PITPNA: variants seen among roughly 807,000 people sequenced by gnomAD.
The protein encoded by PITPNA is phosphatidylinositol transfer protein alpha isoform.
Under a neutral mutation model 50.3 loss-of-function variants are expected in PITPNA, and 13 were observed. The observed-to-expected ratio is 0.26, with a 90% CI of 0.17 to 0.41. The LOEUF is 0.41. Ranked by LOEUF, PITPNA falls within the 10% of genes least tolerant of loss-of-function variation. PITPNA has a pLI of 1.00. For synonymous variants in PITPNA, 120 were observed against 119.6 expected (o/e 1.00, Z -0.02); for missense variants, 207 against 333.4 (o/e 0.62, Z 2.95).
At chr17:1,544,383 C>T (rs1348006369) in intron 4 of PITPNA, among the ~76,000 whole-genome samples, 1 of 152,138 alleles carries the variant, frequency 6.6e-6, no homozygotes, top group Non-Finnish European at 1.5e-5. Flanking sequence ...TGTGAGACCC[C>T]GAGAGACAGA....
intron 10 of PITPNA, among the ~76,000 whole-genome samples, chr17:1,533,087 T>C (rs1461639212): frequency 1.3e-5 from 2 of 152,228 alleles, no homozygotes; most frequent in Non-Finnish European, 2.9e-5. Flanking sequence ...CTGAGTGGGC[T>C]GTTGCAAAGC....
At chr17:1,520,740 G>A (rs1053164634) in intron 11 of PITPNA, among the ~76,000 whole-genome samples, 2 of 152,192 alleles carry the variant, frequency 1.3e-5, no homozygotes, top group East Asian at 3.8e-4. Context: ...CAGCCTCCCC[G>A]AGGCTGCTTT....
At chr17:1,561,217 A>G (rs1433585393) in intron 1 of PITPNA, 1 of 152,316 alleles carries the variant, frequency 6.6e-6, no homozygotes, top group African/African-American at 2.4e-5. Context: ...CTGAGCTTCA[A>G]CGATGGCTCA....
At chr17:1,561,153 A>G (rs1418585415) in intron 1 of PITPNA, 1 of 151,406 alleles carries the variant, frequency 6.6e-6, no homozygotes, top group Non-Finnish European at 1.5e-5. Flanking sequence ...ACACACACCC[A>G]TCCTATCTCT....
At chr17:1,527,152 C>T (rs776717196) in intron 10 of PITPNA, among the ~76,000 whole-genome samples, 1 of 152,122 alleles carries the variant, frequency 6.6e-6, no homozygotes, top group African/African-American at 2.4e-5. Context: ...TGTGGTGTTC[C>T]TCAGATTTAG....
chr17:1,531,207 A>G (rs913166822), intron 10 of PITPNA, among the ~76,000 whole-genome samples: 2 of 152,150 alleles, frequency 1.3e-5, no homozygotes, highest in Non-Finnish European at 1.5e-5. Flanking sequence ...ACCCTTCCTC[A>G]GTGTGGCCTC....
In PITPNA at chr17:1,519,291, TACAG is replaced by T. The variant is rs2075494176; in HGVS notation, c.*1266_*1269del. ...AGGTTTGGGGAATGTCAGGTGACAC[TACAG>T]CTCTCTCTCATTCTCCCACTAAGAG... On this transcript the variant is annotated 3_prime_UTR_variant, in exon 12 of 12. Coordinates refer to ENST00000313486, the MANE Select transcript of PITPNA (RefSeq NM_006224.4). The T allele has an allele frequency of 6.6e-6, 1 of 152,264 alleles. No individual in the cohort carries two copies. The highest frequency in any genetic ancestry group is 1.5e-5 in the Non-Finnish European group (1 of 68,056). 9.4% of individuals were successfully genotyped at this position (152,264 alleles called of 1,614,324 possible). A position where few individuals can be genotyped will look rare whatever the true frequency, so the allele number is the denominator to read the frequency against.
chr17:1,550,802 G>A (rs1222205704), intron 3 of PITPNA, among the ~76,000 whole-genome samples: 1 of 152,220 alleles, frequency 6.6e-6, no homozygotes, highest in African/African-American at 2.4e-5. Context: ...AAGGCAAAGG[G>A]AAGCCGTCAG....
Position 1,552,864 on chromosome 17 carries a change from T to C in PITPNA, c.197+140A>G, listed in dbSNP as rs911244798. On this transcript the variant is annotated intron_variant, in intron 3 of 11. Transcript: ENST00000313486. ...ATCTATATAAATGTGAGTATAACAT[T>C]TATACAGTCAGTATATAACTATTAA... 8 of 865,800 alleles carry C rather than the reference T, an allele frequency of 9.2e-6. No individual in the cohort carries two copies. In the African/African-American group the frequency reaches 1.4e-4, roughly 15 times the overall value. The allele number at this position is 865,800 out of a possible 1,614,324, so 53.6% of individuals were successfully genotyped here. A position where few individuals can be genotyped will look rare whatever the true frequency, so the allele number is the denominator to read the frequency against.
chr17:1,558,769 A>ACCCCCCCCCCCCCCCCCCCCCCC lies in PITPNA; in HGVS notation c.21-211_21-210insGGGGGGGGGGGGGGGGGGGGGGG, dbSNP rs147366133. ...GTAAGACACTAAACTCTGTGACAAC[A>ACCCCCCCCCCCCCCCCCCCCCCC]CCCCCCCCCCGCCCCCCCCCCCAGA... On this transcript the variant is annotated intron_variant, in intron 1 of 11. Coordinates refer to ENST00000313486, the MANE Select transcript of PITPNA (RefSeq NM_006224.4). Among the ~76,000 whole-genome samples the ACCCCCCCCCCCCCCCCCCCCCCC allele has an allele frequency of 4.0e-4, 9 of 22,694 alleles. 1 individual carries two copies. The highest frequency in any genetic ancestry group is 5.1e-4 in the Non-Finnish European group (7 of 13,650). 14.9% of individuals were successfully genotyped at this position (22,694 alleles called of 152,430 possible).
At chr17:1,551,279 CTTTTTT>C (rs879024194) in intron 3 of PITPNA, among the ~76,000 whole-genome samples, 96 of 150,592 alleles carry the variant, frequency 6.4e-4, no homozygotes, top group South Asian at 2.1e-3. Flanking sequence ...TTTTCTTTTT[CTTTTTT>C]TTCTTTTTTT....
Position 1,553,123 on chromosome 17 carries a change from C to T in PITPNA, c.78G>A (p.Val26=). 6.2e-7 allele frequency: 1 copy of T among 1,613,976 alleles called. No homozygotes were observed. Among genetic ancestry groups the T allele is most frequent in the Non-Finnish European group, 8.5e-7 (1 of 1,179,890 alleles). The stretch of plus-strand genomic sequence containing the variant: ...CCGTTTCATTTTTACTGGCCTCAGC[C>T]ACAGAATACAGCTGCCCCACTTGAT... ...DEYQVGQLYS[V]AEASKNETGG... The change falls in exon 3 of 12, where the codon GTG becomes GTA. Residue 26 remains valine, a synonymous_variant. Transcript: ENST00000313486.
chr17:1,530,243 C>G (rs959789956), intron 10 of PITPNA, among the ~76,000 whole-genome samples: 6 of 152,174 alleles, frequency 3.9e-5, no homozygotes, highest in African/African-American at 1.4e-4. Flanking sequence ...AGTACTCAAG[C>G]ACTGAACATA....
rs909270191 is a variant in PITPNA at position 1,543,031 on chromosome 17, C to T, written c.290-4G>A. The stretch of plus-strand genomic sequence containing the variant: ...TTGACAATACTTACTGTAATAACTG[C>T]TCCGAGGCAAGGACATGGAAAGAAG... On this transcript the variant is annotated splice_region_variant and splice_polypyrimidine_tract_variant and intron_variant, in intron 4 of 11. Transcript: ENST00000313486. 2 of 1,585,660 alleles carry T rather than the reference C, an allele frequency of 1.3e-6. No homozygotes were observed. Among genetic ancestry groups the T allele is most frequent in the African/African-American group, 2.7e-5 (2 of 74,648 alleles).
At position 1,549,106 on chromosome 17, in the gene PITPNA, C is replaced by T. The variant is rs201695523; in HGVS notation, c.198-719G>A. On this transcript the variant is annotated intron_variant, in intron 3 of 11. Transcript: ENST00000313486. ...TATTTTTAGTAGAGACAGGGTTTCA[C>T]CATGTTGGCCAGGCTGGTCTTGAAC... Among the ~76,000 whole-genome samples, 30 of 151,868 alleles carry T rather than the reference C, an allele frequency of 2.0e-4. No individual in the cohort carries two copies. The East Asian group carries it at 4.9e-3, about 25-fold the overall frequency.
intron 11 of PITPNA, among the ~76,000 whole-genome samples, 167 bp downstream of exon 11, chr17:1,521,412 A>C (rs2075511514): frequency 6.6e-6 from 1 of 152,150 alleles, no homozygotes; most frequent in Non-Finnish European, 1.5e-5. Context: ...AAATGTCCCA[A>C]GGGCCATAAT....
chr17:1,551,622 C>T (rs1392675953), intron 3 of PITPNA, among the ~76,000 whole-genome samples: 2 of 152,186 alleles, frequency 1.3e-5, no homozygotes, highest in Non-Finnish European at 2.9e-5. Flanking sequence ...ATGTAGAGAC[C>T]TCGTCTCTGT....
chr17:1,521,648 G>A lies in PITPNA; in HGVS notation c.769-3C>T, dbSNP rs2075513357. 6.2e-7 allele frequency: 1 copy of A among 1,612,936 alleles called. No individual in the cohort carries two copies. Among genetic ancestry groups the A allele is most frequent in the Non-Finnish European group, 8.5e-7 (1 of 1,179,168 alleles). ...TTCACTGGGTCCTTTTGTCTCATCT[G>A]GAACAAAAAAAGCAGGACAAATGGA... On this transcript the variant is annotated splice_region_variant and splice_polypyrimidine_tract_variant and intron_variant, in intron 10 of 11. Transcript: ENST00000313486.
chr17:1,553,523 T>G (rs1362883732), intron 2 of PITPNA, among the ~76,000 whole-genome samples: 3 of 152,144 alleles, frequency 2.0e-5, no homozygotes, highest in Non-Finnish European at 4.4e-5. Context: ...ATTATAAGCA[T>G]GAGCCACCGT....
Sources: gnomAD v4.1 joint callset for allele counts (sites outside exome capture counted in the v4.1 genomes callset) on GRCh38, gnomAD v4.1.1 for gene constraint, MANE v1.5 for transcripts, NCBI Gene and HGNC (gene_info 2026-07-23, HGNC 2026-07-21) for gene names.